Variants in LPCAT2 observed in about 807,000 individuals in gnomAD.
LPCAT2 encodes 1-AGP acyltransferase 11.
LPCAT2 carries 58 observed loss-of-function variants against 64.7 expected under a neutral mutation model. The ratio of observed to expected loss-of-function variants is 0.90; its 90% CI spans 0.73 to 1.12. The LOEUF is 1.12. Ranked by LOEUF, LPCAT2 falls within the 50% of genes most tolerant of loss-of-function variation. LPCAT2 has a pLI of 0.00. For synonymous variants in LPCAT2, 252 were observed against 245.3 expected (o/e 1.03, Z -0.26); for missense variants, 579 against 669.8 (o/e 0.86, Z 1.50).
chr16:55,516,736 G>T (rs1009080011), intron 1 of LPCAT2, among the ~76,000 whole-genome samples: 13 of 152,116 alleles, frequency 8.5e-5, no homozygotes, highest in African/African-American at 3.1e-4. Flanking sequence ...AGAACAATGA[G>T]ACAGTATCAT....
chr16:55,556,420 G>T (rs776630560), intron 11 of LPCAT2, among the ~76,000 whole-genome samples: 1 of 152,116 alleles, frequency 6.6e-6, no homozygotes, highest in Non-Finnish European at 1.5e-5. Context: ...ATTAAAAATA[G>T]TATCTGTAGA....
chr16:55,535,037 G>T (rs1963307094), intron 7 of LPCAT2, among the ~76,000 whole-genome samples: 1 of 152,188 alleles, frequency 6.6e-6, no homozygotes, highest in Non-Finnish European at 1.5e-5. Flanking sequence ...TAAGCAAGCT[G>T]ATGTGAAGTA....
intron 8 of LPCAT2, chr16:55,540,242 A>G (rs1179833811): frequency 2.0e-5 from 3 of 152,192 alleles, no homozygotes; most frequent in Non-Finnish European, 2.9e-5. Context: ...TTAGTTCTAA[A>G]CCTCATGTCC....
intron 7 of LPCAT2, among the ~76,000 whole-genome samples, chr16:55,537,360 C>T (rs1215920312): frequency 6.7e-6 from 1 of 149,498 alleles, no homozygotes; most frequent in African/African-American, 2.5e-5. Flanking sequence ...CACTGTACTC[C>T]AGACTGGGTG....
At position 55,536,697 on chromosome 16, in the gene LPCAT2, T is replaced by C. The variant is rs140381501; in HGVS notation, c.798-881T>C. 5.9e-3 allele frequency among the ~76,000 whole-genome samples: 897 copies of C among 152,314 alleles called. 8 individuals carry two copies. Among genetic ancestry groups the C allele is most frequent in the Middle Eastern group, 0.031 (9 of 294 alleles). Reference sequence around the variant, plus strand: ...TGAAAAGAGATTGGTTGGTTCTTTTTTTAAATGTGTAGTTTAATCCATTCT... The same window carrying C: ...TGAAAAGAGATTGGTTGGTTCTTTTCTTAAATGTGTAGTTTAATCCATTCT... On this transcript the variant is annotated intron_variant, in intron 7 of 13. Transcript: ENST00000262134.
At position 55,550,969 on chromosome 16, in the gene LPCAT2, G is replaced by A. The variant is rs200180378; in HGVS notation, c.1082G>A (p.Arg361His). ...TTTAGATTAGATTGGGATGGTGTTC[G>A]TAAGCATTTGGATGAATATGCATCT... is the stretch of plus-strand genomic sequence containing the variant. ...RKLKLDWDGV[R>H]KHLDEYASIA... The change falls in exon 11 of 14, where the codon CGT (arginine) becomes CAT (histidine). Residue 361 changes from arginine (R) to histidine (H), a missense_variant. Physicochemically the swap from Arg to His is conservative, Grantham distance 29. Coordinates refer to ENST00000262134, the MANE Select transcript of LPCAT2 (RefSeq NM_017839.5). The A allele has an allele frequency of 1.2e-5, 20 of 1,602,068 alleles. No individual in the cohort carries two copies. The highest frequency in any genetic ancestry group is 5.0e-5 in the Admixed American group (3 of 59,452).
chr16:55,549,484 T>G, intron 10 of LPCAT2, 82 bp downstream of exon 10: 1 of 1,299,592 alleles, frequency 7.7e-7, no homozygotes, highest in Non-Finnish European at 1.0e-6. Context: ...TCCTGCTTTA[T>G]TAATGCTCAG....
At chr16:55,567,289 T>C in intron 11 of LPCAT2, 1 of 1,613,668 alleles carries the variant, frequency 6.2e-7, no homozygotes, top group South Asian at 1.1e-5. Context: ...CGGGGAGCTC[T>C]GCAGGCCGCA....
At chr16:55,516,848 A>G (rs2066650348) in intron 1 of LPCAT2, among the ~76,000 whole-genome samples, 1 of 152,218 alleles carries the variant, frequency 6.6e-6, no homozygotes, top group Admixed American at 6.5e-5. Context: ...TCTAGTGCCC[A>G]TGGAACATTT....
intron 11 of LPCAT2, among the ~76,000 whole-genome samples, chr16:55,554,333 T>C (rs1431514620): frequency 6.6e-6 from 1 of 152,240 alleles, no homozygotes; most frequent in Non-Finnish European, 1.5e-5. Flanking sequence ...AGCTAGATTT[T>C]CTGGATAACT....
intron 11 of LPCAT2, among the ~76,000 whole-genome samples, chr16:55,562,340 A>G (rs1224857969): frequency 1.3e-5 from 2 of 151,908 alleles, no homozygotes; most frequent in Admixed American, 6.6e-5. Context: ...GATCTCTTCT[A>G]TAGGTAAATG....
rs759784369 is a variant in LPCAT2, at chr16:55,545,764, A to G, written c.882A>G (p.Glu294=). 2 of 1,613,456 alleles carry G rather than the reference A, an allele frequency of 1.2e-6. No homozygotes were observed. The highest frequency in any genetic ancestry group is 1.7e-5 in the Admixed American group (1 of 59,954). The change falls in exon 9 of 14, where the codon GAA becomes GAG. Residue 294 remains glutamate (E), a synonymous_variant. Coordinates refer to ENST00000262134, the MANE Select transcript of LPCAT2 (RefSeq NM_017839.5). ...TGCCAGTTCAAGTACCAAATGATGA[A>G]GAAAAAAATGATCCTGTCCTTTTTG... ...EFMPVQVPND[E]EKNDPVLFAN...
rs772012130 is a variant in LPCAT2, at chr16:55,545,720, A to G, written c.853-15A>G. The stretch of plus-strand genomic sequence containing the variant: ...GCTTAAGACATTGTTATGGAAAGGT[A>G]TATTTGTCTTTCAGTTTATGCCAGT... On this transcript the variant is annotated splice_polypyrimidine_tract_variant and intron_variant, in intron 8 of 13. Transcript: ENST00000262134. The G allele has an allele frequency of 2.6e-6, 4 of 1,546,460 alleles. No homozygotes were observed. Among genetic ancestry groups the G allele is most frequent in the Admixed American group, 3.4e-5 (2 of 58,396 alleles).
At chr16:55,539,795 T>C (rs1451174480) in intron 8 of LPCAT2, 1 of 152,160 alleles carries the variant, frequency 6.6e-6, no homozygotes, top group Admixed American at 6.5e-5. Flanking sequence ...AGTAACCCCC[T>C]TTTTTCTTTT....
At chr16:55,575,847 T>C (rs1028717010) in intron 12 of LPCAT2, among the ~76,000 whole-genome samples, 25 of 152,344 alleles carry the variant, frequency 1.6e-4, no homozygotes, top group Admixed American at 1.6e-3. Context: ...AAATGGTTGA[T>C]GCTTAGCAGA....
Position 55,525,580 on chromosome 16 carries a change from C to A in LPCAT2, c.244C>A (p.Pro82Thr). 1 of 1,611,556 alleles carries A rather than the reference C, an allele frequency of 6.2e-7. No homozygotes were observed. Among genetic ancestry groups the A allele is most frequent in the South Asian group, 1.1e-5 (1 of 90,820 alleles). The change falls in exon 2 of 14, where the codon CCA (proline) becomes ACA (threonine). Residue 82 changes from proline (P) to threonine (T), a missense_variant. Physicochemically the swap from Pro to Thr is conservative, Grantham distance 38. Transcript: ENST00000262134. ...TGCGTTAATTTTATTACTTGCATGGCCATTTGCTGCAATTTCAACAGTATG... is the reference window on the plus strand; with the variant it reads ...TGCGTTAATTTTATTACTTGCATGGACATTTGCTGCAATTTCAACAGTATG... ...LVALILLLAWPFAAISTVCCP... is the reference protein window; with the variant it reads ...LVALILLLAWTFAAISTVCCP...
Position 55,578,031 on chromosome 16 carries a change from T to C in LPCAT2, c.1315-1078T>C, listed in dbSNP as rs576670598. 5.3e-5 allele frequency among the ~76,000 whole-genome samples: 8 copies of C among 152,272 alleles called. No individual in the cohort carries two copies. In the East Asian group the frequency reaches 1.5e-3, roughly 29 times the overall value. On this transcript the variant is annotated intron_variant, in intron 12 of 13. Transcript: ENST00000262134. ...TTTGCTCTGTTGGCCCTTACCACTG[T>C]TAGCATCTCTTCCTCTTTCCTGAAC...
At chr16:55,509,465 T>C (rs28531071) in intron 1 of LPCAT2, 113 bp downstream of exon 1, 31 of 1,127,966 alleles carry the variant, frequency 2.7e-5, no homozygotes, top group Non-Finnish European at 3.6e-5. Flanking sequence ...GGGGCGTGGG[T>C]CTGAGGGAGT....
intron 1 of LPCAT2, among the ~76,000 whole-genome samples, chr16:55,523,845 A>G (rs763720517): frequency 1.1e-4 from 16 of 151,856 alleles, no homozygotes; most frequent in Non-Finnish European, 1.0e-4. Context: ...GTCACTGCAT[A>G]GGGGTATGCA....
Sources: gnomAD v4.1 joint callset for allele counts (sites outside exome capture counted in the v4.1 genomes callset) on GRCh38, gnomAD v4.1.1 for gene constraint, MANE v1.5 for transcripts, NCBI Gene and HGNC (gene_info 2026-07-23, HGNC 2026-07-21) for gene names.